The following FBXO21 variants were observed in gnomAD, a reference collection of about 807,000 sequenced individuals.
FBXO21 encodes F-box protein 21, also known as F-box only protein 21.
A neutral mutation model predicts 76.6 loss-of-function variants in FBXO21; 32 were observed. The ratio of observed to expected loss-of-function variants is 0.42; its 90% CI spans 0.32 to 0.56. The LOEUF (loss-of-function observed/expected upper bound fraction) is 0.56, where lower values mean the gene tolerates loss of function less well. Ranked by LOEUF, FBXO21 falls within the 20% of genes least tolerant of loss-of-function variation. The pLI is 0.16. For synonymous variants in FBXO21, 328 were observed against 311.5 expected (o/e 1.05, Z -0.56); for missense variants, 586 against 797.3 (o/e 0.73, Z 3.19).
At chr12:117,150,526 TAAAC>T (rs1955825221) in intron 11 of FBXO21, among the ~76,000 whole-genome samples, 1 of 152,216 alleles carries the variant, frequency 6.6e-6, no homozygotes, top group African/African-American at 2.4e-5. Context: ...TGTGTGTACT[TAAAC>T]AAAACGTATT....
rs1383676334 is a variant in FBXO21, at chr12:117,142,377, T to C, written c.*3710A>G. The C allele has an allele frequency of 6.6e-6, 1 of 152,412 alleles. No homozygotes were observed. Among genetic ancestry groups the C allele is most frequent in the Non-Finnish European group, 1.5e-5 (1 of 68,052 alleles). The allele number at this position is 152,412 out of a possible 1,614,324, so 9.4% of individuals were successfully genotyped here. On this transcript the variant is annotated 3_prime_UTR_variant, in exon 12 of 12. Coordinates refer to ENST00000622495, the MANE Select transcript of FBXO21 (RefSeq NM_015002.3). ...TAGCCGGGGTCAGCCAACTATGGCC[T>C]GTGGGCACCATCCCACCTGCAGCCT...
chr12:117,147,308 G>GA (rs139974809), intron 11 of FBXO21, among the ~76,000 whole-genome samples: 107 of 46,256 alleles, frequency 2.3e-3, no homozygotes, highest in Admixed American at 7.1e-3. Flanking sequence ...AAAAAAAAAA[G>GA]AAAAAAAAAA....
At chr12:117,155,969 A>G in intron 10 of FBXO21, 21 bp from the exon 11 acceptor site, 1 of 1,612,290 alleles carries the variant, frequency 6.2e-7, no homozygotes, top group East Asian at 2.2e-5. Context: ...CAGGAGGAGC[A>G]GTCAGTCCCT....
At chr12:117,174,933 C>T in intron 4 of FBXO21, 136 bp from the exon 5 acceptor site, 1 of 696,602 alleles carries the variant, frequency 1.4e-6, no homozygotes, top group Non-Finnish European at 2.3e-6. Context: ...TGGCCATGGA[C>T]CTTGCTGCTA....
chr12:117,161,468 G>C (rs1259538803), intron 9 of FBXO21, among the ~76,000 whole-genome samples: 1 of 152,080 alleles, frequency 6.6e-6, no homozygotes, highest in Non-Finnish European at 1.5e-5. Context: ...GGTTTAAGCA[G>C]TGAAGGGACC....
chr12:117,152,131 C>T (rs1415294928), intron 11 of FBXO21, among the ~76,000 whole-genome samples: 1 of 152,146 alleles, frequency 6.6e-6, no homozygotes, highest in Non-Finnish European at 1.5e-5. Context: ...AGACATCATA[C>T]AGTTAAGGAA....
intron 7 of FBXO21, among the ~76,000 whole-genome samples, chr12:117,170,765 T>A (rs1157492893): frequency 6.6e-6 from 1 of 152,226 alleles, no homozygotes; most frequent in Non-Finnish European, 1.5e-5. Context: ...TAGTAAGTTA[T>A]CGTGGCAAAT....
At chr12:117,158,142 T>A in intron 9 of FBXO21, 79 bp from the exon 10 acceptor site, 1 of 1,525,688 alleles carries the variant, frequency 6.6e-7, no homozygotes, top group Non-Finnish European at 9.0e-7. Flanking sequence ...GATTTAGACC[T>A]ACCTACGTAA....
rs1043475245 is a variant in FBXO21, at chr12:117,142,459, T to A, written c.*3628A>T. 1.3e-5 allele frequency: 2 copies of A among 152,270 alleles called. No individual in the cohort carries two copies. Among genetic ancestry groups the A allele is most frequent in the African/African-American group, 4.8e-5 (2 of 41,438 alleles). The allele number at this position is 152,270 out of a possible 1,614,324, so 9.4% of individuals were successfully genotyped here. A position where few individuals can be genotyped will look rare whatever the true frequency, so the allele number is the denominator to read the frequency against. On this transcript the variant is annotated 3_prime_UTR_variant, in exon 12 of 12. Transcript: ENST00000622495. ...TAAAAACAGAGAACATGTGACAGTC[T>A]GTACGTGGCCTGCAAAGCCTAAAAT...
Position 117,190,300 on chromosome 12 carries a change from C to T in FBXO21, c.157G>A (p.Gly53Ser), listed in dbSNP as rs774230512. ...CGCCGGCAGGTGCTGGAGACACGGC[C>T]GATGTCGGCGGCCGTCAGCGAGCCG... ...CCGSLTAADIGRVSSTCRRLR... is the reference protein window; with the variant it reads ...CCGSLTAADISRVSSTCRRLR... Residue 53 changes from glycine (G) to serine (S), a missense_variant, in exon 1 of 12, where the codon GGC (glycine) becomes AGC (serine). Gly to Ser is a moderately conservative substitution (Grantham distance 56). Around this residue, in one of 6 missense-constraint regions of FBXO21, gnomAD observed 152 missense variants for 127.2 expected, o/e 1.19. Coordinates refer to ENST00000622495, the MANE Select transcript of FBXO21 (RefSeq NM_015002.3). 6.5e-7 allele frequency: 1 copy of T among 1,532,578 alleles called. No homozygotes were observed. Among genetic ancestry groups the T allele is most frequent in the Admixed American group, 2.0e-5 (1 of 50,494 alleles). The allele number at this position is 1,532,578 out of a possible 1,614,324, so 94.9% of individuals were successfully genotyped here.
chr12:117,150,821 G>T (rs1318927620), intron 11 of FBXO21, among the ~76,000 whole-genome samples: 1 of 151,120 alleles, frequency 6.6e-6, no homozygotes, highest in Non-Finnish European at 1.5e-5. Flanking sequence ...CCATGCAGGG[G>T]ATCCCCATTC....
chr12:117,153,704 C>A (rs572966383), intron 11 of FBXO21, among the ~76,000 whole-genome samples: 23 of 152,362 alleles, frequency 1.5e-4, no homozygotes, highest in African/African-American at 5.1e-4. Context: ...CTTGCTGACA[C>A]AGCGCTGATG....
intron 11 of FBXO21, 161 bp downstream of exon 11, chr12:117,155,630 C>G (rs763358184): frequency 1.2e-6 from 1 of 801,132 alleles, no homozygotes; most frequent in East Asian, 2.7e-5. Context: ...GCAGACCCAG[C>G]CACGTTTAGC....
chr12:117,176,269 G>A (rs1956172884), intron 4 of FBXO21, among the ~76,000 whole-genome samples: 1 of 152,218 alleles, frequency 6.6e-6, no homozygotes, highest in Non-Finnish European at 1.5e-5. Context: ...CAAGTAGTCA[G>A]TGGAAATTTA....
intron 4 of FBXO21, 121 bp from the exon 5 acceptor site, chr12:117,174,918 T>A: frequency 7.0e-6 from 7 of 1,004,850 alleles, no homozygotes; most frequent in Non-Finnish European, 1.0e-5. Flanking sequence ...ACAAGCTTCA[T>A]GTTTTGGCCA....
intron 9 of FBXO21, among the ~76,000 whole-genome samples, chr12:117,164,180 GAA>G (rs1956020509): frequency 6.6e-6 from 1 of 151,810 alleles, no homozygotes; most frequent in South Asian, 2.1e-4. Context: ...AGCTTTGGTG[GAA>G]AGTTTTCTTT....
At chr12:117,182,601 C>T (rs113385222) in intron 3 of FBXO21, among the ~76,000 whole-genome samples, 3,401 of 118,478 alleles carry the variant, frequency 0.029, 63 homozygotes, top group Middle Eastern at 0.15. Context: ...CCGAGTCTGT[C>T]GCCCAGGCTG....
intron 11 of FBXO21, among the ~76,000 whole-genome samples, chr12:117,150,517 G>A (rs1565994665): frequency 6.6e-6 from 1 of 152,184 alleles, no homozygotes; most frequent in African/African-American, 2.4e-5. Context: ...TGCTTTATGT[G>A]TGTGTACTTA....
At position 117,146,034 on chromosome 12, in the gene FBXO21, C is replaced by T. The variant is rs1032588561; in HGVS notation, c.*53G>A. The T allele has an allele frequency of 4.1e-5, 59 of 1,452,296 alleles. No individual in the cohort carries two copies. The highest frequency in any genetic ancestry group is 1.9e-4 in the Middle Eastern group (1 of 5,360). The allele number at this position is 1,452,296 out of a possible 1,614,324, so 90.0% of individuals were successfully genotyped here. A position where few individuals can be genotyped will look rare whatever the true frequency, so the allele number is the denominator to read the frequency against. On this transcript the variant is annotated 3_prime_UTR_variant, in exon 12 of 12. Coordinates refer to ENST00000622495, the MANE Select transcript of FBXO21 (RefSeq NM_015002.3). ...GTGGAGACGTCTTCTTCCGGAGTCC[C>T]GTTCTCTTGGAAGATAGCAGCAGCA... is the stretch of plus-strand genomic sequence containing the variant.
Sources: allele counts gnomAD v4.1 joint callset (sites outside exome capture counted in the v4.1 genomes callset), GRCh38; gene constraint gnomAD v4.1.1; regional missense constraint gnomAD v4.1.1; transcripts MANE v1.5; gene names NCBI Gene and HGNC (gene_info 2026-07-23, HGNC 2026-07-21).